Variants in PTCD3 observed in about 807,000 individuals in gnomAD.
The protein encoded by PTCD3 is pentatricopeptide repeat domain 3.
Under a neutral mutation model 101.9 loss-of-function variants are expected in PTCD3, and 89 were observed. The ratio of observed to expected loss-of-function variants is 0.87; its 90% CI spans 0.74 to 1.04. PTCD3 has a LOEUF of 1.04. Ranked by LOEUF, PTCD3 falls within the 50% of genes least tolerant of loss-of-function variation. The pLI is 0.00. For synonymous variants in PTCD3, 296 were observed against 278.5 expected, an observed-to-expected ratio of 1.06 and a Z score of -0.63; for missense variants, 870 against 828.2, an observed-to-expected ratio of 1.05 and a Z score of -0.62.
chr2:86,117,723 A>G (rs913106742), intron 6 of PTCD3, among the ~76,000 whole-genome samples: 6 of 151,678 alleles, frequency 4.0e-5, no homozygotes, highest in Middle Eastern at 3.2e-3. Flanking sequence ...AGCCTCTGCA[A>G]TCTCTGGGAT....
In PTCD3 at chr2:86,132,405, C is replaced by T. The variant is rs957161702; in HGVS notation, c.1354C>T (p.Gln452Ter). ...GDNWKFIGPD[Q>*]HRNFYYSKFF... ...CAACTGGAAATTCATTGGACCTGAT[C>T]AACATCGTAATTTCTATTAGTAAGT... Residue 452 changes from glutamine to a stop codon, truncating the protein, a stop_gained, in exon 17 of 24, where the codon CAA (glutamine) becomes TAA (stop). Transcript: ENST00000254630. LOFTEE classifies it high-confidence loss of function. 6.3e-7 allele frequency: 1 copy of T among 1,594,484 alleles called. No homozygotes were observed. Among genetic ancestry groups the T allele is most frequent in the Non-Finnish European group, 8.6e-7 (1 of 1,162,662 alleles).
In PTCD3 at chr2:86,106,272, T is replaced by G; in HGVS notation, c.25T>G (p.Trp9Gly). Reference sequence around the variant, plus strand: ...GATGGCGGTTGTATCTGCTGTTCGCTGGCTGGGCCTCCGCAGCAGGCTTGG... The same window carrying G: ...GATGGCGGTTGTATCTGCTGTTCGCGGGCTGGGCCTCCGCAGCAGGCTTGG... MAVVSAVR[W>G]LGLRSRLGQP... Residue 9 changes from tryptophan to glycine, a missense_variant, in exon 1 of 24, where the codon TGG (tryptophan) becomes GGG (glycine). Transcript: ENST00000254630. 3 of 1,613,942 alleles carry G rather than the reference T, an allele frequency of 1.9e-6. No individual in the cohort carries two copies. The highest frequency in any genetic ancestry group is 1.7e-6 in the Non-Finnish European group (2 of 1,179,974).
intron 4 of PTCD3, among the ~76,000 whole-genome samples, chr2:86,111,435 A>C (rs939149173): frequency 6.6e-6 from 1 of 151,960 alleles, no homozygotes; most frequent in Non-Finnish European, 1.5e-5. Flanking sequence ...GAAAATATAA[A>C]AAATTAGCCA....
At chr2:86,131,271 G>A (rs1340394143) in intron 16 of PTCD3, among the ~76,000 whole-genome samples, 165 bp downstream of exon 16, 1 of 151,598 alleles carries the variant, frequency 6.6e-6, no homozygotes. Flanking sequence ...TTGAGATGGA[G>A]GTTCACTGTG....
In PTCD3 at chr2:86,119,015, T is replaced by G. The variant is rs192206378; in HGVS notation, c.509T>G (p.Val170Gly). 38 of 1,614,036 alleles carry G rather than the reference T, an allele frequency of 2.4e-5. No individual in the cohort carries two copies. The East Asian group carries it at 8.0e-4, about 34-fold the overall frequency. ...GAGCTCAGAAAAGTCAAAGCCTCTG[T>G]GGACATGTTTGATCAGCTTTTGCAA... ...RIELRKVKAS[V>G]DMFDQLLQAG... The change falls in exon 7 of 24, where the codon GTG (valine) becomes GGG (glycine). Residue 170 changes from valine (V) to glycine (G), a missense_variant. By Grantham distance (109) the Val-to-Gly change is moderately radical. Transcript: ENST00000254630.
At chr2:86,124,897 G>T in intron 9 of PTCD3, 98 bp from the exon 10 acceptor site, 1 of 1,470,640 alleles carries the variant, frequency 6.8e-7, no homozygotes, top group Non-Finnish European at 9.1e-7. Context: ...GAAAGTACTT[G>T]GCACATTGCC....
chr2:86,117,311 C>CG, intron 6 of PTCD3, 152 bp downstream of exon 6: 1 of 511,598 alleles, frequency 2.0e-6, no homozygotes, highest in Middle Eastern at 5.3e-4. Context: ...GATCACAAGA[C>CG]TAACTTTAAA....
intron 21 of PTCD3, chr2:86,135,193 C>G (rs565206733): frequency 4.4e-6 from 2 of 457,852 alleles, no homozygotes; most frequent in Non-Finnish European, 7.6e-6. Flanking sequence ...TCAAACCATA[C>G]GCTGAGAATT....
At chr2:86,106,849 T>C (rs1005431145) in intron 1 of PTCD3, among the ~76,000 whole-genome samples, 2 of 152,226 alleles carry the variant, frequency 1.3e-5, no homozygotes, top group African/African-American at 2.4e-5. Context: ...GTGATAGTTA[T>C]AGCTTGGAAC....
chr2:86,136,564 T>G lies in PTCD3; in HGVS notation c.1820+2T>G, dbSNP rs1396173236. On this transcript the variant is annotated splice_donor_variant, in intron 22 of 23. Coordinates refer to ENST00000254630, the MANE Select transcript of PTCD3 (RefSeq NM_017952.6). LOFTEE classifies it high-confidence loss of function. ...CAGGAAGCATAATAAGATTCCTAGG[T>G]AAGTTGAAATCAGCCAGCTCTCTTT... is the stretch of plus-strand genomic sequence containing the variant. The G allele has an allele frequency of 3.7e-6, 6 of 1,611,794 alleles. No individual in the cohort carries two copies. In the South Asian group the frequency reaches 6.6e-5, roughly 18 times the overall value.
At chr2:86,123,513 T>C (rs1674331939) in intron 8 of PTCD3, among the ~76,000 whole-genome samples, 188 bp from the exon 9 acceptor site, 1 of 152,184 alleles carries the variant, frequency 6.6e-6, no homozygotes, top group Admixed American at 6.5e-5. Context: ...TGGCCTTTCA[T>C]CTGATTTGCA....
At chr2:86,112,258 GT>G (rs1480422689) in intron 4 of PTCD3, among the ~76,000 whole-genome samples, 1 of 150,072 alleles carries the variant, frequency 6.7e-6, no homozygotes, top group Non-Finnish European at 1.5e-5. Flanking sequence ...GGGTTTCGCT[GT>G]GCTCACCAGG....
At chr2:86,129,253 A>C (rs922932732) in intron 14 of PTCD3, among the ~76,000 whole-genome samples, 1 of 152,316 alleles carries the variant, frequency 6.6e-6, no homozygotes, top group Non-Finnish European at 1.5e-5. Context: ...CACTGGTTCA[A>C]TTGCTAATCA....
At chr2:86,126,878 G>C (rs531678374) in intron 12 of PTCD3, among the ~76,000 whole-genome samples, 61 of 151,208 alleles carry the variant, frequency 4.0e-4, no homozygotes, top group Non-Finnish European at 8.1e-4. Flanking sequence ...TATCATACTA[G>C]TCTATTATTT....
intron 12 of PTCD3, among the ~76,000 whole-genome samples, 157 bp from the exon 13 acceptor site, chr2:86,127,004 A>G (rs549908932): frequency 1.6e-4 from 25 of 152,302 alleles, no homozygotes; most frequent in Non-Finnish European, 2.5e-4. Flanking sequence ...GAATCATGGA[A>G]CCTGCTAATT....
At position 86,137,023 on chromosome 2, in the gene PTCD3, C is replaced by G. The variant is rs201724046; in HGVS notation, c.1862C>G (p.Ser621Cys). The stretch of plus-strand genomic sequence containing the variant: ...GAGCTTATGGACAGTGCAAAAGTGT[C>G]TAACAGCCCTTCCCAGGCCATTGAA... Reference protein sequence around the residue: ...LNELMDSAKVSNSPSQAIEVV... With the variant: ...LNELMDSAKVCNSPSQAIEVV... The change falls in exon 23 of 24, where the codon TCT (serine) becomes TGT (cysteine). Residue 621 changes from serine to cysteine, a missense_variant. Coordinates refer to ENST00000254630, the MANE Select transcript of PTCD3 (RefSeq NM_017952.6). 7 of 1,613,688 alleles carry G rather than the reference C, an allele frequency of 4.3e-6. No individual in the cohort carries two copies. The Admixed American group carries it at 5.0e-5, about 12-fold the overall frequency.
intron 3 of PTCD3, among the ~76,000 whole-genome samples, chr2:86,109,354 C>G (rs1674031943): frequency 6.6e-6 from 1 of 151,612 alleles, no homozygotes; most frequent in South Asian, 2.1e-4. Flanking sequence ...TTGCAGTGAG[C>G]CGAGGTCGCG....
Position 86,130,557 on chromosome 2 carries a change from G to T in PTCD3, c.1148-91G>T, listed in dbSNP as rs1384292438. On this transcript the variant is annotated intron_variant, in intron 14 of 23. Coordinates refer to ENST00000254630, the MANE Select transcript of PTCD3 (RefSeq NM_017952.6). ...GCGAGGACTTAGGCTGGAGGTGGAG[G>T]AAGGAGAAATGTGTCCCTTTGTATT... 1.1e-5 allele frequency: 17 copies of T among 1,515,502 alleles called. No homozygotes were observed. In the East Asian group the frequency reaches 3.5e-4, roughly 31 times the overall value. 93.9% of individuals were successfully genotyped at this position (1,515,502 alleles called of 1,614,324 possible).
intron 1 of PTCD3, among the ~76,000 whole-genome samples, chr2:86,106,700 A>G (rs1673958296): frequency 6.6e-6 from 1 of 152,224 alleles, no homozygotes; most frequent in South Asian, 2.1e-4. Context: ...CCCAATCAGG[A>G]GGAGCGAGGA....
Sources: gnomAD v4.1 joint callset for allele counts (sites outside exome capture counted in the v4.1 genomes callset) on GRCh38, gnomAD v4.1.1 for gene constraint, MANE v1.5 for transcripts, NCBI Gene and HGNC (gene_info 2026-07-23, HGNC 2026-07-21) for gene names.